Variants in ASCC3 observed in about 807,000 individuals in gnomAD.
The protein encoded by ASCC3 is ASC-1 complex subunit P200.
Under a neutral mutation model 256.3 loss-of-function variants are expected in ASCC3, and 158 were observed. That is an observed-to-expected ratio of 0.62 (90% CI 0.54 to 0.70). The LOEUF is 0.70. Among genes scored for constraint, ASCC3 ranks in the 30% least tolerant of loss-of-function variants. The pLI is 0.00. For synonymous variants in ASCC3, 948 were observed against 883.4 expected, an observed-to-expected ratio of 1.07 and a Z score of -1.30; for missense variants, 2,259 against 2,626.0, an observed-to-expected ratio of 0.86 and a Z score of 3.05.
chr6:100,689,490 C>A lies in ASCC3; in HGVS notation c.2152-9738G>T, dbSNP rs139573136. 3.7e-4 allele frequency among the ~76,000 whole-genome samples: 57 copies of A among 152,264 alleles called. 1 individual carries two copies. Among genetic ancestry groups the A allele is most frequent in the African/African-American group, 1.3e-3 (56 of 41,554 alleles). Reference sequence around the variant, plus strand: ...GTTATATCTCTTCCTTGAATGCTGCCTGAGGGCAGAGCTTACATTTTGCTA... The same window carrying A: ...GTTATATCTCTTCCTTGAATGCTGCATGAGGGCAGAGCTTACATTTTGCTA... On this transcript the variant is annotated intron_variant, in intron 13 of 41. Transcript: ENST00000369162.
intron 37 of ASCC3, among the ~76,000 whole-genome samples, chr6:100,528,470 T>C (rs1357706154): frequency 6.6e-6 from 1 of 152,162 alleles, no homozygotes; most frequent in African/African-American, 2.4e-5. Flanking sequence ...CATATGACAA[T>C]TGATAAAGCC....
intron 37 of ASCC3, chr6:100,530,780 AAGACAAAAAGGATT>A (rs1458850093): frequency 9.6e-6 from 10 of 1,036,944 alleles, no homozygotes; most frequent in Non-Finnish European, 1.5e-5. Flanking sequence ...CAAAGAATCC[AAGACAAAAAGGATT>A]AGATCTAGAA....
intron 30 of ASCC3, among the ~76,000 whole-genome samples, chr6:100,623,582 A>G (rs1439396273): frequency 6.6e-6 from 1 of 152,186 alleles, no homozygotes; most frequent in Non-Finnish European, 1.5e-5. Context: ...CTGATGCCGA[A>G]CAGCACTGCT....
At chr6:100,616,366 A>C (rs1443596412) in intron 30 of ASCC3, among the ~76,000 whole-genome samples, 3 of 152,244 alleles carry the variant, frequency 2.0e-5, no homozygotes. Context: ...CTTACTTTTC[A>C]TGAAAGTATT....
chr6:100,557,170 A>G (rs182132275), intron 36 of ASCC3, among the ~76,000 whole-genome samples: 6 of 152,112 alleles, frequency 3.9e-5, no homozygotes, highest in African/African-American at 1.4e-4. Flanking sequence ...CATTTATCTC[A>G]ACATTTATTT....
chr6:100,680,662 A>G (rs1264908949), intron 13 of ASCC3, among the ~76,000 whole-genome samples: 1 of 152,224 alleles, frequency 6.6e-6, no homozygotes, highest in East Asian at 1.9e-4. Flanking sequence ...GTGTGGGTGC[A>G]GTAAATGACT....
intron 4 of ASCC3, among the ~76,000 whole-genome samples, chr6:100,827,913 CAAA>C (rs983919713): frequency 1.9e-4 from 29 of 151,740 alleles, no homozygotes; most frequent in African/African-American, 6.5e-4. Flanking sequence ...GAATGAACAA[CAAA>C]AATTTTAAAC....
intron 33 of ASCC3, among the ~76,000 whole-genome samples, chr6:100,604,938 TG>T: frequency 6.6e-6 from 1 of 152,044 alleles, no homozygotes; most frequent in East Asian, 1.9e-4. Context: ...TACCTAAACC[TG>T]AAGGAAGAAA....
intron 25 of ASCC3, among the ~76,000 whole-genome samples, chr6:100,634,864 CAA>C (rs199632200): frequency 1.7e-5 from 2 of 119,334 alleles, no homozygotes; most frequent in East Asian, 2.6e-4. Flanking sequence ...CCTCAAAAAA[CAA>C]AAAAAAAAAA....
At chr6:100,699,082 T>C (rs931197293) in intron 13 of ASCC3, among the ~76,000 whole-genome samples, 1 of 152,126 alleles carries the variant, frequency 6.6e-6, no homozygotes, top group Non-Finnish European at 1.5e-5. Context: ...CCTAGGTACA[T>C]GGTAGGCTAT....
Position 100,864,210 on chromosome 6 carries a change from T to A in ASCC3, c.95A>T (p.Lys32Met). 6.3e-7 allele frequency: 1 copy of A among 1,598,454 alleles called. No homozygotes were observed. Among genetic ancestry groups the A allele is most frequent in the Non-Finnish European group, 8.6e-7 (1 of 1,168,910 alleles). ...AACTTGTTCATGAAGTTTAGATCGC[T>A]TTATCTGAAACAGAGATTATAATGT... ...YNEEVADLKI[K>M]RSKLHEQVLD... Residue 32 changes from lysine to methionine, a missense_variant, in exon 3 of 42, where the codon AAG becomes ATG. Around this residue, in one of 2 missense-constraint regions of ASCC3, gnomAD observed 420 missense variants for 419.3 expected, o/e 1.00. Transcript: ENST00000369162.
chr6:100,586,458 G>T (rs1771689418), intron 36 of ASCC3, among the ~76,000 whole-genome samples: 1 of 152,144 alleles, frequency 6.6e-6, no homozygotes, highest in African/African-American at 2.4e-5. Context: ...TCGGGTGGGA[G>T]CGACCCGATT....
intron 8 of ASCC3, among the ~76,000 whole-genome samples, chr6:100,774,284 A>G (rs1169482786): frequency 2.6e-5 from 4 of 152,108 alleles, no homozygotes; most frequent in Non-Finnish European, 5.9e-5. Flanking sequence ...CAACCTTCTG[A>G]GTACATGTCA....
At chr6:100,563,039 T>A (rs1487854376) in intron 36 of ASCC3, among the ~76,000 whole-genome samples, 1 of 152,088 alleles carries the variant, frequency 6.6e-6, no homozygotes, top group Non-Finnish European at 1.5e-5. Context: ...TTTCTTCTTT[T>A]GTAAGTTGTT....
chr6:100,807,295 A>T (rs1339578274), intron 4 of ASCC3, among the ~76,000 whole-genome samples: 1 of 90,518 alleles, frequency 1.1e-5, no homozygotes. Context: ...TGTGACACCC[A>T]CCCTCCCTCC....
Position 100,795,517 on chromosome 6 carries a change from T to C in ASCC3, c.1395+3196A>G, listed in dbSNP as rs1000882572. 2.0e-5 allele frequency among the ~76,000 whole-genome samples: 3 copies of C among 152,220 alleles called. No individual in the cohort carries two copies. The South Asian group carries it at 6.2e-4, about 32-fold the overall frequency. ...ACAATCCAGGTAGAAAAGCCATAAATTGTCACCCTTGCTTGCTTTGACTTA... is the reference window on the plus strand; with the variant it reads ...ACAATCCAGGTAGAAAAGCCATAAACTGTCACCCTTGCTTGCTTTGACTTA... On this transcript the variant is annotated intron_variant, in intron 8 of 41. Transcript: ENST00000369162.
At chr6:100,798,272 G>C (rs1474914280) in intron 8 of ASCC3, among the ~76,000 whole-genome samples, 1 of 151,956 alleles carries the variant, frequency 6.6e-6, no homozygotes, top group Non-Finnish European at 1.5e-5. Context: ...TAATATTCAT[G>C]CCAATTTTCC....
chr6:100,538,506 G>A (rs1160210912), intron 37 of ASCC3, among the ~76,000 whole-genome samples: 1 of 151,956 alleles, frequency 6.6e-6, no homozygotes. Context: ...AAAAATGTTT[G>A]AGGCCAATTT....
chr6:100,639,929 A>T (rs949096481), intron 24 of ASCC3, among the ~76,000 whole-genome samples: 10 of 152,162 alleles, frequency 6.6e-5, no homozygotes, highest in African/African-American at 2.2e-4. Flanking sequence ...AGCCTGGCCA[A>T]CATGGCAAAA....
Sources: gnomAD v4.1 joint callset for allele counts (sites outside exome capture counted in the v4.1 genomes callset) on GRCh38, gnomAD v4.1.1 for gene constraint, gnomAD v4.1.1 regional missense constraint, MANE v1.5 for transcripts, NCBI Gene and HGNC (gene_info 2026-07-23, HGNC 2026-07-21) for gene names.